Variants in TIFA observed in about 807,000 individuals in gnomAD.
TIFA encodes TRAF-interacting protein with FHA domain-containing protein A.
For missense variants in TIFA, 186 were observed against 215.2 expected (o/e 0.86, Z 0.85); for synonymous variants, 75 against 79.2 (o/e 0.95, Z 0.28).
Position 112,276,177 on chromosome 4 carries a change from G to A in TIFA, c.*1685C>T, listed in dbSNP as rs1727108733. On this transcript the variant is annotated 3_prime_UTR_variant, in exon 2 of 2. Transcript: ENST00000361717. ...AAAATCAAGGTGTCCACAAGACTTT[G>A]TTCCTTTCTGGATATTTCTTTGTCT... 1 of 152,664 alleles carries A rather than the reference G, an allele frequency of 6.6e-6. No homozygotes were observed. 9.5% of individuals were successfully genotyped at this position (152,664 alleles called of 1,614,324 possible).
At chr4:112,281,016 T>A (rs1553927074) in intron 1 of TIFA, among the ~76,000 whole-genome samples, 1 of 152,174 alleles carries the variant, frequency 6.6e-6, no homozygotes, top group Non-Finnish European at 1.5e-5. Flanking sequence ...ACACTATAAT[T>A]ATGATAATAA....
Position 112,277,780 on chromosome 4 carries a change from C to G in TIFA, c.*82G>C. The G allele has an allele frequency of 7.4e-7, 1 of 1,347,680 alleles. No individual in the cohort carries two copies. The allele number at this position is 1,347,680 out of a possible 1,614,324, so 83.5% of individuals were successfully genotyped here. On this transcript the variant is annotated 3_prime_UTR_variant, in exon 2 of 2. Transcript: ENST00000361717. ...ATAACAGATGACTATAATATACTAC[C>G]CTAATCAACTCTTATTTAGTGTCTA...
chr4:112,275,876 C>T lies in TIFA; in HGVS notation c.*1986G>A, dbSNP rs1727101627. On this transcript the variant is annotated 3_prime_UTR_variant, in exon 2 of 2. Transcript: ENST00000361717. ...TAGTCAAAATGTGACAGTATACACACATTAAAGTATATACACTTCACTCAT... is the reference window on the plus strand; with the variant it reads ...TAGTCAAAATGTGACAGTATACACATATTAAAGTATATACACTTCACTCAT... The T allele has an allele frequency of 6.6e-6, 1 of 152,140 alleles. No individual in the cohort carries two copies. The highest frequency in any genetic ancestry group is 2.4e-5 in the African/African-American group (1 of 41,418). The allele number at this position is 152,140 out of a possible 1,614,324, so 9.4% of individuals were successfully genotyped here. A position where few individuals can be genotyped will look rare whatever the true frequency, so the allele number is the denominator to read the frequency against.
At chr4:112,280,048 G>A (rs1166514265) in intron 1 of TIFA, among the ~76,000 whole-genome samples, 2 of 152,068 alleles carry the variant, frequency 1.3e-5, no homozygotes, top group Non-Finnish European at 2.9e-5. Flanking sequence ...TTTAACAGCT[G>A]CACAGAATTC....
At chr4:112,284,835 T>C (rs933691658) in intron 1 of TIFA, among the ~76,000 whole-genome samples, 52 of 150,892 alleles carry the variant, frequency 3.4e-4, no homozygotes, top group African/African-American at 1.2e-3. Context: ...TTGTGAACTC[T>C]GGCACAGCTG....
chr4:112,279,442 A>T (rs1026482970), intron 1 of TIFA, among the ~76,000 whole-genome samples: 69 of 152,130 alleles, frequency 4.5e-4, no homozygotes, highest in Non-Finnish European at 6.6e-4. Flanking sequence ...CAAAGGATTT[A>T]AAAAAAAGAG....
rs1216637923 is a variant in TIFA, at chr4:112,275,763, T to A, written c.*2099A>T. Reference sequence around the variant, plus strand: ...CATTGTTTGGATTCAATAACAATAATACATGAATCCCTTAATATTAAATTT... The same window carrying A: ...CATTGTTTGGATTCAATAACAATAAAACATGAATCCCTTAATATTAAATTT... On this transcript the variant is annotated 3_prime_UTR_variant, in exon 2 of 2. Transcript: ENST00000361717. The A allele has an allele frequency of 6.6e-6, 1 of 152,226 alleles. No homozygotes were observed. Among genetic ancestry groups the A allele is most frequent in the East Asian group, 1.9e-4 (1 of 5,200 alleles). The allele number at this position is 152,226 out of a possible 1,614,324, so 9.4% of individuals were successfully genotyped here. A position where few individuals can be genotyped will look rare whatever the true frequency, so the allele number is the denominator to read the frequency against.
At chr4:112,279,157 G>A (rs1727177619) in intron 1 of TIFA, among the ~76,000 whole-genome samples, 1 of 152,126 alleles carries the variant, frequency 6.6e-6, no homozygotes, top group Non-Finnish European at 1.5e-5. Context: ...TTTGTCAGTG[G>A]TACTCAATGA....
At chr4:112,278,555 A>G in intron 1 of TIFA, 121 bp from the exon 2 acceptor site, 1 of 747,594 alleles carries the variant, frequency 1.3e-6, no homozygotes, top group Non-Finnish European at 2.0e-6. Context: ...AGAAAACAGT[A>G]CATAGACAAT....
In TIFA at chr4:112,277,691, A is replaced by G; in HGVS notation, c.*171T>C. ...TAGATCCAGAATACAACAGGTGACT[A>G]AGTTAATGACTAACACAATTTACAG... On this transcript the variant is annotated 3_prime_UTR_variant, in exon 2 of 2. Coordinates refer to ENST00000361717, the MANE Select transcript of TIFA (RefSeq NM_052864.3). 3 of 481,910 alleles carry G rather than the reference A, an allele frequency of 6.2e-6. No homozygotes were observed. The highest frequency in any genetic ancestry group is 9.9e-6 in the Non-Finnish European group (3 of 302,364). The allele number at this position is 481,910 out of a possible 1,614,324, so 29.9% of individuals were successfully genotyped here.
At chr4:112,280,499 G>A (rs1314544998) in intron 1 of TIFA, among the ~76,000 whole-genome samples, 1 of 151,660 alleles carries the variant, frequency 6.6e-6, no homozygotes, top group Admixed American at 6.6e-5. Flanking sequence ...ACAAGTGTGC[G>A]CCACCACTCC....
chr4:112,279,121 C>T (rs1387883813), intron 1 of TIFA, among the ~76,000 whole-genome samples: 1 of 152,144 alleles, frequency 6.6e-6, no homozygotes, highest in Non-Finnish European at 1.5e-5. Context: ...TTATCACAGC[C>T]TGCACTGGTA....
chr4:112,282,738 G>A (rs1352740889), intron 1 of TIFA, among the ~76,000 whole-genome samples: 1 of 152,148 alleles, frequency 6.6e-6, no homozygotes, highest in African/African-American at 2.4e-5. Context: ...TTATATTTCT[G>A]CCCAGGAAGG....
chr4:112,278,553 G>C, intron 1 of TIFA, 119 bp from the exon 2 acceptor site: 1 of 759,050 alleles, frequency 1.3e-6, no homozygotes, highest in Non-Finnish European at 2.0e-6. Flanking sequence ...TAAGAAAACA[G>C]TACATAGACA....
Position 112,278,132 on chromosome 4 carries a change from A to G in TIFA, c.285T>C (p.Asn95=), listed in dbSNP as rs748175066. 3.7e-6 allele frequency: 6 copies of G among 1,613,882 alleles called. No homozygotes were observed. The highest frequency in any genetic ancestry group is 5.1e-6 in the Non-Finnish European group (6 of 1,180,032). The change falls in exon 2 of 2, where the codon AAT becomes AAC. Residue 95 remains asparagine, a synonymous_variant. Transcript: ENST00000361717. ...CCAGCTCTCTGCTGTCCACGATCAG[A>G]TTGGTCTTTTTACTCATATTTTTTA... The part of the protein sequence containing the change: ...FEIKNMSKKT[N]LIVDSRELGY...
intron 1 of TIFA, among the ~76,000 whole-genome samples, chr4:112,284,404 A>C (rs1309217168): frequency 6.6e-6 from 1 of 152,192 alleles, no homozygotes; most frequent in Non-Finnish European, 1.5e-5. Context: ...AAAATGCCAT[A>C]AACAAAAACA....
intron 1 of TIFA, among the ~76,000 whole-genome samples, chr4:112,282,064 A>C (rs1727238283): frequency 1.3e-5 from 2 of 152,180 alleles, no homozygotes; most frequent in Non-Finnish European, 2.9e-5. Flanking sequence ...TAATTGAATC[A>C]TGGGGATAGG....
rs554116965 is a variant in TIFA at position 112,277,033 on chromosome 4, T to C, written c.*829A>G. On this transcript the variant is annotated 3_prime_UTR_variant, in exon 2 of 2. Coordinates refer to ENST00000361717, the MANE Select transcript of TIFA (RefSeq NM_052864.3). ...TTCACATACATTTATCTCTGTAAAGTGGCCCAAGAACAGTTATTTCCCTTA... is the reference window on the plus strand; with the variant it reads ...TTCACATACATTTATCTCTGTAAAGCGGCCCAAGAACAGTTATTTCCCTTA... 1.3e-5 allele frequency: 2 copies of C among 152,316 alleles called. No individual in the cohort carries two copies. The highest frequency in any genetic ancestry group is 2.4e-5 in the African/African-American group (1 of 41,568). The allele number at this position is 152,316 out of a possible 1,614,324, so 9.4% of individuals were successfully genotyped here.
Position 112,277,686 on chromosome 4 carries a change from T to G in TIFA, c.*176A>C. On this transcript the variant is annotated 3_prime_UTR_variant, in exon 2 of 2. Transcript: ENST00000361717. Reference sequence around the variant, plus strand: ...TTGTGTAGATCCAGAATACAACAGGTGACTAAGTTAATGACTAACACAATT... The same window carrying G: ...TTGTGTAGATCCAGAATACAACAGGGGACTAAGTTAATGACTAACACAATT... 1 of 406,674 alleles carries G rather than the reference T, an allele frequency of 2.5e-6. No homozygotes were observed. The highest frequency in any genetic ancestry group is 3.9e-6 in the Non-Finnish European group (1 of 255,574). 25.2% of individuals were successfully genotyped at this position (406,674 alleles called of 1,614,324 possible).
Sources: gnomAD v4.1 joint callset for allele counts (sites outside exome capture counted in the v4.1 genomes callset) on GRCh38, gnomAD v4.1.1 for gene constraint, MANE v1.5 for transcripts, NCBI Gene and HGNC (gene_info 2026-07-23, HGNC 2026-07-21) for gene names.